The following AGBL4 variants were observed in gnomAD, a reference collection of about 807,000 sequenced individuals.
AGBL4 encodes AGBL carboxypeptidase 4, also known as cytosolic carboxypeptidase 6.
AGBL4 carries 58 observed loss-of-function variants against 66.4 expected under a neutral mutation model. That is an observed-to-expected ratio of 0.87 (90% CI 0.71 to 1.09). The LOEUF is 1.09. Among genes scored for constraint, AGBL4 ranks in the 50% least tolerant of loss-of-function variants. The probability of loss-of-function intolerance (pLI) is 0.00; values close to 1 mark genes in which losing one functional copy is unlikely to be tolerated. For missense variants in AGBL4, 579 were observed against 631.0 expected (o/e 0.92, Z 0.88); for synonymous variants, 234 against 222.9 (o/e 1.05, Z -0.44).
chr1:50,016,439 G>A (rs1415882065), intron 1 of AGBL4, among the ~76,000 whole-genome samples: 3 of 152,138 alleles, frequency 2.0e-5, no homozygotes, highest in Non-Finnish European at 4.4e-5. Flanking sequence ...GTGTGTGCTT[G>A]TAATCCCAGC....
intron 6 of AGBL4, among the ~76,000 whole-genome samples, chr1:48,688,678 A>C (rs1380227891): frequency 1.3e-5 from 2 of 152,180 alleles, no homozygotes; most frequent in African/African-American, 4.8e-5. Flanking sequence ...GATGACACAA[A>C]GAGCATTCCT....
intron 6 of AGBL4, among the ~76,000 whole-genome samples, chr1:48,862,224 C>A (rs1647540416): frequency 6.6e-6 from 1 of 152,224 alleles, no homozygotes; most frequent in African/African-American, 2.4e-5. Context: ...GGCACCAGAG[C>A]TAGCACATGG....
chr1:48,913,843 A>C (rs1352194634), intron 5 of AGBL4, among the ~76,000 whole-genome samples: 3 of 152,044 alleles, frequency 2.0e-5, no homozygotes, highest in Non-Finnish European at 4.4e-5. Flanking sequence ...GGTGCCAGAG[A>C]GGTTGGGGAC....
chr1:49,619,906 C>A (rs1645324628), intron 3 of AGBL4, among the ~76,000 whole-genome samples: 2 of 152,152 alleles, frequency 1.3e-5, no homozygotes, highest in African/African-American at 4.8e-5. Flanking sequence ...TTTGGGAAAA[C>A]TGACTAGCCA....
intron 6 of AGBL4, among the ~76,000 whole-genome samples, chr1:48,828,690 C>T (rs959391072): frequency 6.6e-6 from 1 of 152,166 alleles, no homozygotes; most frequent in African/African-American, 2.4e-5. Context: ...AATGCTTGTT[C>T]ACAACAGGTT....
At chr1:49,117,040 T>C (rs560130748) in intron 4 of AGBL4, among the ~76,000 whole-genome samples, 1 of 152,302 alleles carries the variant, frequency 6.6e-6, no homozygotes, top group South Asian at 2.1e-4. Context: ...TGTCTGTTCA[T>C]ATCCTTTGCC....
At chr1:49,882,829 A>T (rs1647544127) in intron 1 of AGBL4, among the ~76,000 whole-genome samples, 1 of 152,078 alleles carries the variant, frequency 6.6e-6, no homozygotes, top group East Asian at 1.9e-4. Flanking sequence ...AAATTTGTTG[A>T]GGCATTGTTT....
intron 1 of AGBL4, among the ~76,000 whole-genome samples, chr1:49,855,477 T>C (rs1185843388): frequency 6.6e-6 from 1 of 152,140 alleles, no homozygotes; most frequent in Non-Finnish European, 1.5e-5. Flanking sequence ...CATGGAACAG[T>C]TTCATGGACA....
intron 4 of AGBL4, among the ~76,000 whole-genome samples, chr1:49,234,963 T>G (rs1291615765): frequency 6.6e-6 from 1 of 152,246 alleles, no homozygotes; most frequent in East Asian, 1.9e-4. Flanking sequence ...CTGATTTTTC[T>G]GTCTCTTAGA....
chr1:48,570,347 A>ATC, intron 11 of AGBL4, among the ~76,000 whole-genome samples: 1 of 152,230 alleles, frequency 6.6e-6, no homozygotes, highest in African/African-American at 2.4e-5. Flanking sequence ...ACAGCTTCGC[A>ATC]GTCTGCTGCC....
chr1:49,751,730 G>A (rs977721545), intron 2 of AGBL4, among the ~76,000 whole-genome samples: 9 of 152,126 alleles, frequency 5.9e-5, no homozygotes, highest in African/African-American at 1.9e-4. Context: ...TTGGTTGGTA[G>A]GCTATTAATT....
At chr1:49,970,375 T>C (rs958373432) in intron 1 of AGBL4, among the ~76,000 whole-genome samples, 3 of 152,046 alleles carry the variant, frequency 2.0e-5, no homozygotes, top group African/African-American at 4.8e-5. Context: ...AATATCAAAA[T>C]ATATAAATAA....
chr1:49,214,526 T>A lies in AGBL4; in HGVS notation c.377+31244A>T, dbSNP rs114779969. Among the ~76,000 whole-genome samples, 248 of 152,220 alleles carry A rather than the reference T, an allele frequency of 1.6e-3. 2 individuals are homozygous for A. Among genetic ancestry groups the A allele is most frequent in the African/African-American group, 5.8e-3 (239 of 41,546 alleles). On this transcript the variant is annotated intron_variant, in intron 4 of 13. Transcript: ENST00000371839. Reference sequence around the variant, plus strand: ...TTATCAGAACTCTAGCTCAACATGTTGAGATACAGACTTGAGCACCAGTCT... The same window carrying A: ...TTATCAGAACTCTAGCTCAACATGTAGAGATACAGACTTGAGCACCAGTCT...
intron 3 of AGBL4, among the ~76,000 whole-genome samples, chr1:49,554,135 AACAC>A (rs755561385): frequency 1.3e-5 from 2 of 151,152 alleles, no homozygotes; most frequent in Non-Finnish European, 3.0e-5. Context: ...CCTGTCTAGA[AACAC>A]ACACACACAC....
chr1:49,575,615 C>T (rs567471941), intron 3 of AGBL4, among the ~76,000 whole-genome samples: 3 of 152,346 alleles, frequency 2.0e-5, no homozygotes, highest in African/African-American at 7.2e-5. Flanking sequence ...TGGAAAATGA[C>T]AGTGGATTAT....
At chr1:49,960,216 A>C (rs1249450578) in intron 1 of AGBL4, among the ~76,000 whole-genome samples, 1 of 152,070 alleles carries the variant, frequency 6.6e-6, no homozygotes, top group African/African-American at 2.4e-5. Context: ...ATATATACAC[A>C]ATGAAGTACT....
chr1:48,654,236 C>A (rs1645983141), intron 7 of AGBL4, among the ~76,000 whole-genome samples: 1 of 152,166 alleles, frequency 6.6e-6, no homozygotes, highest in East Asian at 1.9e-4. Context: ...TACCATCACA[C>A]CAGGCCTGGA....
At chr1:49,945,400 G>T (rs1387403035) in intron 1 of AGBL4, among the ~76,000 whole-genome samples, 1 of 152,038 alleles carries the variant, frequency 6.6e-6, no homozygotes, top group Non-Finnish European at 1.5e-5. Flanking sequence ...GAGGAAATTG[G>T]AGCCCTATCT....
At chr1:49,163,381 C>G (rs1646573545) in intron 4 of AGBL4, among the ~76,000 whole-genome samples, 1 of 151,896 alleles carries the variant, frequency 6.6e-6, no homozygotes, top group African/African-American at 2.4e-5. Flanking sequence ...TGTCACAGTT[C>G]AAATGTCACC....
Sources: gnomAD v4.1 joint callset for allele counts (sites outside exome capture counted in the v4.1 genomes callset) on GRCh38, gnomAD v4.1.1 for gene constraint, MANE v1.5 for transcripts, NCBI Gene and HGNC (gene_info 2026-07-23, HGNC 2026-07-21) for gene names.